ZC3H12B: variants seen among roughly 807,000 people sequenced by gnomAD.
ZC3H12B encodes the protein probable ribonuclease ZC3H12B.
A neutral mutation model predicts 43.9 loss-of-function variants in ZC3H12B; 7 were observed. That is an observed-to-expected ratio of 0.16 (90% confidence interval 0.09 to 0.30). The LOEUF (loss-of-function observed/expected upper bound fraction) is 0.30. Among genes scored for constraint, ZC3H12B ranks in the 10% least tolerant of loss-of-function variants. The pLI is 1.00. For missense variants in ZC3H12B, 475 were observed against 670.2 expected (o/e 0.71, Z 3.22); for synonymous variants, 222 against 241.7 (o/e 0.92, Z 0.76).
At chrX:65,157,324 T>A in the ZC3H12B span, among the ~76,000 whole-genome samples, 2 of 112,567 alleles carry the variant, frequency 1.8e-5, no homozygotes, top group Non-Finnish European at 3.7e-5. Flanking sequence ...TTTGATTTAA[T>A]AAGATATGCT....
the ZC3H12B span, among the ~76,000 whole-genome samples, chrX:65,265,188 C>A: frequency 8.9e-6 from 1 of 111,900 alleles, no homozygotes; most frequent in African/African-American, 3.2e-5. Context: ...TCAGAGAAAC[C>A]TGATGCTCAG....
the ZC3H12B span, among the ~76,000 whole-genome samples, chrX:65,294,617 A>C: frequency 2.6e-4 from 29 of 111,776 alleles, no homozygotes; most frequent in East Asian, 7.6e-3. Flanking sequence ...CACCTAACAC[A>C]TAAGGACTCA....
chrX:65,054,117 A>G, the ZC3H12B span, among the ~76,000 whole-genome samples: 9 of 111,895 alleles, frequency 8.0e-5, no homozygotes, highest in Admixed American at 6.6e-4. Context: ...GTTTAATTAG[A>G]TCCCATTTGT....
At chrX:65,445,966 G>A (rs985115240) in intron 3 of ZC3H12B, among the ~76,000 whole-genome samples, 1 of 111,728 alleles carries the variant, frequency 9.0e-6, no homozygotes, top group Non-Finnish European at 1.9e-5. Flanking sequence ...CACACCTGAA[G>A]CCATCCCAGT....
At chrX:65,453,985 G>A (rs1482378527) in intron 3 of ZC3H12B, among the ~76,000 whole-genome samples, 2 of 111,973 alleles carry the variant, frequency 1.8e-5, no homozygotes, top group African/African-American at 3.2e-5. Context: ...CGGGTGATGA[G>A]TGCATGAAAA....
At chrX:65,048,377 G>A in the ZC3H12B span, among the ~76,000 whole-genome samples, 1 of 111,321 alleles carries the variant, frequency 9.0e-6, no homozygotes, top group African/African-American at 3.3e-5. Flanking sequence ...ATGAAGATAG[G>A]AGTGCAAATA....
the ZC3H12B span, among the ~76,000 whole-genome samples, chrX:65,077,807 G>A: frequency 2.7e-5 from 3 of 111,997 alleles, no homozygotes; most frequent in South Asian, 1.1e-3. Flanking sequence ...GGATATTTAG[G>A]AGGTAAAAAG....
At chrX:65,132,112 G>T in the ZC3H12B span, among the ~76,000 whole-genome samples, 38 of 111,029 alleles carry the variant, frequency 3.4e-4, 1 homozygote, top group East Asian at 5.4e-3. Flanking sequence ...GGGTGTAGGG[G>T]AATAGTGAAA....
chrX:65,239,356 G>T, the ZC3H12B span, among the ~76,000 whole-genome samples: 27 of 108,134 alleles, frequency 2.5e-4, no homozygotes, highest in Admixed American at 2.5e-3. Context: ...TTCTCTCTTG[G>T]TTTAAAGTCT....
At chrX:65,435,905 C>A (rs772032442) in intron 3 of ZC3H12B, among the ~76,000 whole-genome samples, 23 of 112,033 alleles carry the variant, frequency 2.1e-4, no homozygotes, top group Non-Finnish European at 4.3e-4. Flanking sequence ...ATATGGGGAG[C>A]CGCTCATGCA....
the ZC3H12B span, among the ~76,000 whole-genome samples, chrX:65,247,745 G>A: frequency 8.9e-6 from 1 of 111,747 alleles, no homozygotes; most frequent in Admixed American, 9.5e-5. Flanking sequence ...AGGAGAGAGA[G>A]CGAGCGAGCA....
the ZC3H12B span, among the ~76,000 whole-genome samples, chrX:65,211,893 ATATAATATATATGTTATG>A: frequency 2.6e-5 from 2 of 76,590 alleles, no homozygotes; most frequent in African/African-American, 1.1e-4. Flanking sequence ...TATGTATACT[ATATAATATATATGTTATG>A]TATACTATAT....
At chrX:65,306,098 A>G in the ZC3H12B span, among the ~76,000 whole-genome samples, 3 of 112,522 alleles carry the variant, frequency 2.7e-5, no homozygotes, top group Non-Finnish European at 5.6e-5. Context: ...CTACAGATGT[A>G]GCATAAGGAA....
At chrX:65,132,337 G>A in the ZC3H12B span, among the ~76,000 whole-genome samples, 5 of 111,486 alleles carry the variant, frequency 4.5e-5, no homozygotes, top group Middle Eastern at 4.6e-3. Context: ...AGCCCATGCT[G>A]TAGCAGGTGA....
the ZC3H12B span, among the ~76,000 whole-genome samples, chrX:65,114,735 T>C: frequency 1.6e-4 from 18 of 110,516 alleles, no homozygotes; most frequent in Non-Finnish European, 3.2e-4. Context: ...TTATTCAAGT[T>C]CATTGATTTA....
the ZC3H12B span, among the ~76,000 whole-genome samples, chrX:65,061,051 T>G: frequency 8.9e-6 from 1 of 112,408 alleles, no homozygotes; most frequent in Admixed American, 9.4e-5. Context: ...TTATTTGGCA[T>G]ATAGTTGCTC....
upstream of ZC3H12B, among the ~76,000 whole-genome samples, chrX:65,364,541 A>G (rs774920335): frequency 2.2e-5 from 2 of 91,761 alleles, no homozygotes; most frequent in Non-Finnish European, 3.8e-5. Context: ...TCTATCCTTC[A>G]TGGCAGTTTT....
the ZC3H12B span, among the ~76,000 whole-genome samples, chrX:65,323,512 AG>A: frequency 1.8e-5 from 2 of 112,282 alleles, no homozygotes; most frequent in South Asian, 7.4e-4. Flanking sequence ...GTTCCTGCAA[AG>A]GACATTAACT....
chrX:65,083,038 A>T, the ZC3H12B span, among the ~76,000 whole-genome samples: 1 of 111,606 alleles, frequency 9.0e-6, no homozygotes, highest in East Asian at 2.8e-4. Flanking sequence ...GATGCAGAAA[A>T]AGCATGTGAT....
Sources: allele counts gnomAD v4.1 joint callset (sites outside exome capture counted in the v4.1 genomes callset), GRCh38; gene constraint gnomAD v4.1.1; transcripts MANE v1.5; gene names NCBI Gene and HGNC (gene_info 2026-07-23, HGNC 2026-07-21).